Variants in MYT1L observed in about 807,000 individuals in gnomAD.
The protein encoded by MYT1L is myelin transcription factor 1-like protein.
Under a neutral mutation model 126.7 loss-of-function variants are expected in MYT1L, and 12 were observed. The ratio of observed to expected loss-of-function variants is 0.09; its 90% CI spans 0.06 to 0.15. The LOEUF (loss-of-function observed/expected upper bound fraction) is 0.15. Among genes scored for constraint, MYT1L ranks in the 10% least tolerant of loss-of-function variants. The pLI is 1.00. For missense variants in MYT1L, 979 were observed against 1,585.2 expected, an observed-to-expected ratio of 0.62 and a Z score of 6.49; for synonymous variants, 541 against 604.2, an observed-to-expected ratio of 0.90 and a Z score of 1.53.
chr2:2,322,659 G>A (rs1407968754), intron 1 of MYT1L, among the ~76,000 whole-genome samples: 6 of 151,942 alleles, frequency 3.9e-5, no homozygotes, highest in Non-Finnish European at 8.8e-5. Flanking sequence ...GAGCATCGTG[G>A]AGAAGGGGCT....
chr2:2,142,815 T>C (rs1326334480), intron 3 of MYT1L, among the ~76,000 whole-genome samples: 1 of 151,798 alleles, frequency 6.6e-6, no homozygotes, highest in South Asian at 2.1e-4. Context: ...GACTCCCAAG[T>C]AGCTGGGATT....
chr2:1,939,373 A>T (rs1324676490), intron 9 of MYT1L, among the ~76,000 whole-genome samples: 1 of 152,172 alleles, frequency 6.6e-6, no homozygotes, highest in Non-Finnish European at 1.5e-5. Flanking sequence ...AACTCCAGCG[A>T]TCAGAGGAAT....
At chr2:2,295,042 G>A (rs905560281) in intron 1 of MYT1L, among the ~76,000 whole-genome samples, 4 of 152,110 alleles carry the variant, frequency 2.6e-5, no homozygotes, top group East Asian at 1.9e-4. Flanking sequence ...CAAGATTTCC[G>A]GAGAATCCCT....
chr2:1,930,481 A>T (rs192343555), intron 9 of MYT1L, among the ~76,000 whole-genome samples: 149 of 151,674 alleles, frequency 9.8e-4, no homozygotes, highest in African/African-American at 3.4e-3. Context: ...TACCATAACG[A>T]CCTCCCTGCA....
chr2:1,985,482 C>T (rs1180796074), intron 5 of MYT1L, among the ~76,000 whole-genome samples: 1 of 152,094 alleles, frequency 6.6e-6, no homozygotes, highest in Non-Finnish European at 1.5e-5. Flanking sequence ...TAGAAAATAC[C>T]TCCACGTCTC....
intron 3 of MYT1L, among the ~76,000 whole-genome samples, chr2:2,055,174 CAA>C (rs1324869435): frequency 6.6e-6 from 1 of 152,012 alleles, no homozygotes; most frequent in Non-Finnish European, 1.5e-5. Flanking sequence ...ATTGAGTCTA[CAA>C]AGTATTAAGA....
intron 4 of MYT1L, among the ~76,000 whole-genome samples, chr2:2,032,808 C>T (rs1295283979): frequency 7.7e-6 from 1 of 129,316 alleles, no homozygotes; most frequent in Non-Finnish European, 1.6e-5. Context: ...CACACACCCT[C>T]GCCAGTGCCT....
At chr2:2,157,801 G>A (rs1317925226) in intron 3 of MYT1L, among the ~76,000 whole-genome samples, 1 of 152,130 alleles carries the variant, frequency 6.6e-6, no homozygotes, top group African/African-American at 2.4e-5. Context: ...TTTCCACACT[G>A]AGACTGCATC....
At chr2:1,837,934 C>CA (rs1422016820) in intron 21 of MYT1L, among the ~76,000 whole-genome samples, 4 of 149,766 alleles carry the variant, frequency 2.7e-5, no homozygotes, top group Non-Finnish European at 4.4e-5. Flanking sequence ...TTTAATGAGA[C>CA]AGAGTGTTGC....
At chr2:2,197,418 CTG>C (rs1416160215) in intron 2 of MYT1L, among the ~76,000 whole-genome samples, 3 of 152,258 alleles carry the variant, frequency 2.0e-5, no homozygotes, top group African/African-American at 7.2e-5. Context: ...ATACTATTGA[CTG>C]TGCCCAACCA....
At position 2,286,064 on chromosome 2, in the gene MYT1L, C is replaced by A. The variant is rs182780128; in HGVS notation, c.-520-1561G>T. Among the ~76,000 whole-genome samples, 275 of 152,220 alleles carry A rather than the reference C, an allele frequency of 1.8e-3. 1 individual carries two copies. The highest frequency in any genetic ancestry group is 3.2e-4 in the Non-Finnish European group (22 of 68,012). ...GTGGCGTGATCTCAGCTCACTGCAA[C>A]CTCTGCCTTCCAGGTTCAAGTGATA... On this transcript the variant is annotated intron_variant, in intron 1 of 24. Coordinates refer to ENST00000647738, the MANE Select transcript of MYT1L (RefSeq NM_001303052.2).
At chr2:1,934,879 A>G (rs1367881475) in intron 9 of MYT1L, among the ~76,000 whole-genome samples, 1 of 152,122 alleles carries the variant, frequency 6.6e-6, no homozygotes, top group African/African-American at 2.4e-5. Flanking sequence ...CAGAGATAAG[A>G]CTGTGAAAAT....
At chr2:1,839,793 G>A (rs13397908) in intron 20 of MYT1L, among the ~76,000 whole-genome samples, 3,180 of 152,348 alleles carry the variant, frequency 0.021, 138 homozygotes, top group African/African-American at 0.072. Flanking sequence ...AGGCTGTTTC[G>A]TGCTTTTCTC....
Position 1,981,612 on chromosome 2 carries a change from C to T in MYT1L, c.1-1835G>A, listed in dbSNP as rs142997374. ...AGACGACGGGCCTGAGCCAGGGCCA[C>T]GTGCAGTGTTGGAAGGGATGTACCG... is the stretch of plus-strand genomic sequence containing the variant. On this transcript the variant is annotated intron_variant, in intron 5 of 24. Transcript: ENST00000647738. Among the ~76,000 whole-genome samples, 14 of 152,296 alleles carry T rather than the reference C, an allele frequency of 9.2e-5. 1 individual carries two copies. The highest frequency in any genetic ancestry group is 3.9e-4 in the East Asian group (2 of 5,182).
chr2:1,928,209 G>T (rs1302770066), intron 9 of MYT1L, among the ~76,000 whole-genome samples: 1 of 152,210 alleles, frequency 6.6e-6, no homozygotes, highest in East Asian at 1.9e-4. Context: ...CATAGTGCTG[G>T]AATTACAGGT....
intron 3 of MYT1L, among the ~76,000 whole-genome samples, chr2:2,131,063 C>G (rs1204403908): frequency 6.6e-6 from 1 of 152,066 alleles, no homozygotes; most frequent in East Asian, 1.9e-4. Context: ...GTTGCGATAC[C>G]TTATGGAAGT....
rs147891709 is a variant in MYT1L at position 2,139,761 on chromosome 2, G to A, written c.-304+33111C>T. 2.3e-3 allele frequency among the ~76,000 whole-genome samples: 349 copies of A among 152,288 alleles called. 9 individuals are homozygous for A. The highest frequency in any genetic ancestry group is 0.01 in the East Asian group (53 of 5,190). ...TTATGGCTGAAGACTGAGTAGAACA[G>A]AATCATTGGCAAGTGCTGCTTACTC... On this transcript the variant is annotated intron_variant, in intron 3 of 24. Transcript: ENST00000647738.
intron 4 of MYT1L, among the ~76,000 whole-genome samples, chr2:2,036,366 C>A (rs554888587): frequency 4.3e-5 from 2 of 46,164 alleles, no homozygotes; most frequent in African/African-American, 1.9e-4. Context: ...CCCTCCAATG[C>A]GGGTGCAGAA....
Position 2,089,104 on chromosome 2 carries a change from G to A in MYT1L, c.-303-34981C>T, listed in dbSNP as rs185253125. Among the ~76,000 whole-genome samples the A allele has an allele frequency of 3.3e-5, 5 of 152,296 alleles. No homozygotes were observed. In the East Asian group the frequency reaches 9.6e-4, roughly 29 times the overall value. The stretch of plus-strand genomic sequence containing the variant: ...AAAACTGATTTCACAAAAAAGAAAG[G>A]AGCCCTCTGGCTTTACACATGGAGG... On this transcript the variant is annotated intron_variant, in intron 3 of 24. Transcript: ENST00000647738.
Sources: allele counts gnomAD v4.1 joint callset (sites outside exome capture counted in the v4.1 genomes callset), GRCh38; gene constraint gnomAD v4.1.1; transcripts MANE v1.5; gene names NCBI Gene and HGNC (gene_info 2026-07-23, HGNC 2026-07-21).